LRRTM4: variants seen among roughly 807,000 people sequenced by gnomAD.
LRRTM4 encodes leucine-rich repeat transmembrane neuronal protein 4.
Under a neutral mutation model 47.6 loss-of-function variants are expected in LRRTM4, and 25 were observed. The ratio of observed to expected loss-of-function variants is 0.53; its 90% CI spans 0.38 to 0.73. The LOEUF is 0.73. Ranked by LOEUF, LRRTM4 falls within the 30% of genes least tolerant of loss-of-function variation. The pLI is 0.00. For synonymous variants in LRRTM4, 311 were observed against 269.5 expected (o/e 1.15, Z -1.51); for missense variants, 638 against 713.4 (o/e 0.89, Z 1.20).
chr2:77,429,139 G>C (rs1051454673), intron 3 of LRRTM4, among the ~76,000 whole-genome samples: 1 of 152,154 alleles, frequency 6.6e-6, no homozygotes, highest in Non-Finnish European at 1.5e-5. Context: ...AGTGCAGGAA[G>C]AACTCACGGA....
intron 3 of LRRTM4, among the ~76,000 whole-genome samples, chr2:76,886,383 A>ATT (rs1673077227): frequency 3.9e-5 from 6 of 152,156 alleles, no homozygotes; most frequent in African/African-American, 1.4e-4. Context: ...ATTTTCTTAA[A>ATT]TACTCATCAA....
intron 3 of LRRTM4, among the ~76,000 whole-genome samples, chr2:77,331,850 G>T (rs528879099): frequency 1.3e-5 from 2 of 152,140 alleles, no homozygotes; most frequent in East Asian, 3.9e-4. Flanking sequence ...GTTAAGCCCT[G>T]CCAGAAACAT....
intron 3 of LRRTM4, chr2:77,517,675 G>C: frequency 2.1e-6 from 2 of 954,108 alleles, no homozygotes; most frequent in Non-Finnish European, 2.5e-6. Flanking sequence ...AGGAGTGAAA[G>C]AAAGTAGGAA....
chr2:76,953,978 C>G (rs966193013), intron 3 of LRRTM4, among the ~76,000 whole-genome samples: 1 of 151,798 alleles, frequency 6.6e-6, no homozygotes, highest in Non-Finnish European at 1.5e-5. Context: ...AAGAAACTGA[C>G]AAGCCTCTTC....
At chr2:77,283,194 A>C (rs1354835794) in intron 3 of LRRTM4, among the ~76,000 whole-genome samples, 1 of 152,102 alleles carries the variant, frequency 6.6e-6, no homozygotes, top group Non-Finnish European at 1.5e-5. Flanking sequence ...TCTCAAAAGA[A>C]GACATCCAAG....
chr2:76,778,905 T>C (rs1316609797), intron 3 of LRRTM4, among the ~76,000 whole-genome samples: 2 of 151,780 alleles, frequency 1.3e-5, no homozygotes, highest in Admixed American at 6.6e-5. Flanking sequence ...TTTAGTGCTA[T>C]AAATTTCCCT....
At chr2:77,176,536 T>G (rs927896338) in intron 3 of LRRTM4, among the ~76,000 whole-genome samples, 2 of 152,176 alleles carry the variant, frequency 1.3e-5, no homozygotes, top group African/African-American at 4.8e-5. Context: ...CTTTTTTTCC[T>G]GACAATTCCT....
At chr2:76,817,453 G>C (rs765785725) in intron 3 of LRRTM4, among the ~76,000 whole-genome samples, 10 of 151,942 alleles carry the variant, frequency 6.6e-5, no homozygotes, top group Non-Finnish European at 1.3e-4. Context: ...ACATTTTCGA[G>C]TTATGAGGCT....
intron 3 of LRRTM4, among the ~76,000 whole-genome samples, chr2:77,236,980 T>C (rs573074960): frequency 6.6e-6 from 1 of 152,088 alleles, no homozygotes; most frequent in African/African-American, 2.4e-5. Context: ...TGGCCTGTGG[T>C]TTTCTTTGTT....
At chr2:77,081,616 CA>C (rs75992904) in intron 3 of LRRTM4, among the ~76,000 whole-genome samples, 1 of 151,936 alleles carries the variant, frequency 6.6e-6, no homozygotes, top group Non-Finnish European at 1.5e-5. Flanking sequence ...ACTTTCTTCC[CA>C]AAAAATGGCA....
intron 3 of LRRTM4, among the ~76,000 whole-genome samples, chr2:77,130,824 A>AT (rs768577274): frequency 0.044 from 1,580 of 35,572 alleles, 517 homozygotes; most frequent in African/African-American, 0.13. Flanking sequence ...TATTTGTTCT[A>AT]TTTTTTTTTT....
intron 3 of LRRTM4, among the ~76,000 whole-genome samples, chr2:76,990,911 T>C (rs1676982645): frequency 6.6e-6 from 1 of 151,556 alleles, no homozygotes; most frequent in Non-Finnish European, 1.5e-5. Context: ...AAAGCATGTC[T>C]CAGTAAATTA....
intron 3 of LRRTM4, among the ~76,000 whole-genome samples, chr2:76,873,520 A>ATATATATG (rs1672695984): frequency 1.7e-4 from 24 of 143,516 alleles, no homozygotes; most frequent in African/African-American, 5.7e-4. Context: ...ATATATATAT[A>ATATATATG]TATATATATA....
intron 3 of LRRTM4, among the ~76,000 whole-genome samples, chr2:77,483,606 G>C (rs1020514270): frequency 6.6e-6 from 1 of 152,172 alleles, no homozygotes. Context: ...CTCCCAAAGT[G>C]CTGGGATTAC....
At chr2:77,157,441 T>C (rs548527850) in intron 3 of LRRTM4, among the ~76,000 whole-genome samples, 23 of 152,220 alleles carry the variant, frequency 1.5e-4, no homozygotes, top group Non-Finnish European at 2.9e-4. Context: ...TGATGTTGTA[T>C]AGACATCTTG....
At chr2:77,034,878 G>A (rs889347572) in intron 3 of LRRTM4, among the ~76,000 whole-genome samples, 2 of 151,758 alleles carry the variant, frequency 1.3e-5, no homozygotes, top group Non-Finnish European at 2.9e-5. Flanking sequence ...ATAAAGAGAA[G>A]ATTTCATTTA....
chr2:77,320,521 TAAGA>T (rs1244033533), intron 3 of LRRTM4, among the ~76,000 whole-genome samples: 5 of 152,158 alleles, frequency 3.3e-5, no homozygotes, highest in Non-Finnish European at 7.3e-5. Context: ...TATTTTAAAT[TAAGA>T]AAGTCTGTCT....
At chr2:76,941,825 C>T (rs1453630582) in intron 3 of LRRTM4, among the ~76,000 whole-genome samples, 3 of 152,132 alleles carry the variant, frequency 2.0e-5, no homozygotes, top group Non-Finnish European at 2.9e-5. Context: ...TGGGCATATA[C>T]CCAGTAATGG....
At chr2:77,457,569 T>G (rs1027615080) in intron 3 of LRRTM4, among the ~76,000 whole-genome samples, 1 of 151,880 alleles carries the variant, frequency 6.6e-6, no homozygotes, top group East Asian at 1.9e-4. Flanking sequence ...CTTGAAAACG[T>G]TCCAATAGTT....
Sources: gnomAD v4.1 joint callset for allele counts (sites outside exome capture counted in the v4.1 genomes callset) on GRCh38, gnomAD v4.1.1 for gene constraint, MANE v1.5 for transcripts, NCBI Gene and HGNC (gene_info 2026-07-23, HGNC 2026-07-21) for gene names.